ZBTB12: variants seen among roughly 807,000 people sequenced by gnomAD.
ZBTB12 encodes zinc finger and BTB domain-containing protein 12.
In ZBTB12, 1 loss-of-function variant was observed where a neutral mutation model predicts 6.4. That is an observed-to-expected ratio of 0.16 (90% CI 0.06 to 0.74). The LOEUF is 0.74. Ranked by LOEUF, ZBTB12 falls within the 30% of genes least tolerant of loss-of-function variation. ZBTB12 has a pLI of 0.78. For synonymous variants in ZBTB12, 273 were observed against 262.5 expected, an observed-to-expected ratio of 1.04 and a Z score of -0.39; for missense variants, 344 against 613.9, an observed-to-expected ratio of 0.56 and a Z score of 4.65.
chr6:31,901,502 G>A (rs1767265212), intron 1 of ZBTB12, among the ~76,000 whole-genome samples, 177 bp from the exon 2 acceptor site: 1 of 151,992 alleles, frequency 6.6e-6, no homozygotes, highest in African/African-American at 2.4e-5. Context: ...GGAGGGAGGC[G>A]TGGTTCTCGG....
chr6:31,901,696 G>GC (rs560054595), intron 1 of ZBTB12, 141 bp downstream of exon 1: 58 of 191,060 alleles, frequency 3.0e-4, no homozygotes, highest in South Asian at 1.2e-3. Flanking sequence ...TCATTCCTCC[G>GC]CCCCCCCCTT....
In ZBTB12 at chr6:31,900,468, A is replaced by G. The variant is rs773527188; in HGVS notation, c.838T>C (p.Leu280=). The G allele has an allele frequency of 1.3e-6, 2 of 1,597,578 alleles. No individual in the cohort carries two copies. The highest frequency in any genetic ancestry group is 1.7e-6 in the Non-Finnish European group (2 of 1,173,760). Residue 280 remains leucine (L), a synonymous_variant, in exon 2 of 2, where the codon TTG becomes CTG. Coordinates refer to ENST00000375527, the MANE Select transcript of ZBTB12 (RefSeq NM_181842.3). This position sits in a 1 kb window ranked among gnomAD's most constrained non-coding sequence, Gnocchi z 9.7. ...SEDAEGEGLL[L]IPGGRASVGA... ...ACGCTGGCCCGGCCTCCGGGAATCA[A>G]CAGCAGGCCCTCCCCTTCTGCATCT...
At position 31,900,629 on chromosome 6, in the gene ZBTB12, G is replaced by A. The variant is rs1438783478; in HGVS notation, c.677C>T (p.Pro226Leu). Residue 226 changes from proline to leucine, a missense_variant, in exon 2 of 2, where the codon CCT becomes CTT. This residue lies in a region of ZBTB12 where 241 missense variants were observed against 315.4 expected (regional missense o/e 0.76). Transcript: ENST00000375527. The surrounding 1 kb of genome is among the most constrained non-coding windows in gnomAD (Gnocchi z 9.7). ...ALEVAHRLKPPGGLGGGLGIG... is the reference protein window; with the variant it reads ...ALEVAHRLKPLGGLGGGLGIG... Reference sequence around the variant, plus strand: ...GCCCAGACCCCCTCCCAGGCCTCCAGGGGGTTTGAGCCGGTGTGCCACCTC... The same window carrying A: ...GCCCAGACCCCCTCCCAGGCCTCCAAGGGGTTTGAGCCGGTGTGCCACCTC... 2 of 1,612,760 alleles carry A rather than the reference G, an allele frequency of 1.2e-6. No individual in the cohort carries two copies. Among genetic ancestry groups the A allele is most frequent in the Admixed American group, 1.7e-5 (1 of 60,012 alleles).
intron 1 of ZBTB12, 81 bp from the exon 2 acceptor site, chr6:31,901,406 T>G: frequency 7.7e-7 from 1 of 1,298,338 alleles, no homozygotes; most frequent in Middle Eastern, 2.7e-4. Flanking sequence ...CCCCCATTCT[T>G]GCCCAGCCCC....
intron 1 of ZBTB12, 36 bp downstream of exon 1, chr6:31,901,801 C>G (rs1309790659): frequency 1.2e-5 from 2 of 161,758 alleles, no homozygotes; most frequent in African/African-American, 4.8e-5. Flanking sequence ...GGCACGCCCC[C>G]CCAGCCCCAC....
At position 31,900,774 on chromosome 6, in the gene ZBTB12, G is replaced by A. The variant is rs766233364; in HGVS notation, c.532C>T (p.Arg178Trp). The change falls in exon 2 of 2, where the codon CGG (arginine) becomes TGG (tryptophan). Residue 178 changes from arginine to tryptophan, a missense_variant. Arg to Trp is a moderately radical substitution (Grantham distance 101). Coordinates refer to ENST00000375527, the MANE Select transcript of ZBTB12 (RefSeq NM_181842.3). The surrounding 1 kb of genome is among the most constrained non-coding windows in gnomAD (Gnocchi z 9.7). ...AGTGGGAACTCCAGCTTCACTGGCC[G>A]CAGGAGTGGAGGGGGTAGAGGAGGT... Reference protein sequence around the residue: ...PPPPLPPPLLRPVKLEFPLDE... With the variant: ...PPPPLPPPLLWPVKLEFPLDE... 3.1e-6 allele frequency: 5 copies of A among 1,590,572 alleles called. No homozygotes were observed. Among genetic ancestry groups the A allele is most frequent in the South Asian group, 1.1e-5 (1 of 87,472 alleles).
chr6:31,900,601 A>G lies in ZBTB12; in HGVS notation c.705T>C (p.Ile235=). ...CAAGGTGGCCACCCACGGAGCCTCC[A>G]ATGCCCAGACCCCCTCCCAGGCCTC... ...PPGGLGGGLG[I]GGSVGGHLGE... is the part of the protein sequence containing the mutation. The change falls in exon 2 of 2, where the codon ATT becomes ATC. Residue 235 remains isoleucine, a synonymous_variant. Coordinates refer to ENST00000375527, the MANE Select transcript of ZBTB12 (RefSeq NM_181842.3). This position sits in a 1 kb window ranked among gnomAD's most constrained non-coding sequence, Gnocchi z 9.7. 6.2e-7 allele frequency: 1 copy of G among 1,612,654 alleles called. No homozygotes were observed. The highest frequency in any genetic ancestry group is 8.5e-7 in the Non-Finnish European group (1 of 1,179,974).
chr6:31,900,843 G>A lies in ZBTB12; in HGVS notation c.463C>T (p.Pro155Ser). Residue 155 changes from proline (P) to serine (S), a missense_variant, in exon 2 of 2, where the codon CCT becomes TCT. Pro to Ser is a moderately conservative substitution (Grantham distance 74). Coordinates refer to ENST00000375527, the MANE Select transcript of ZBTB12 (RefSeq NM_181842.3). This position sits in a 1 kb window ranked among gnomAD's most constrained non-coding sequence, Gnocchi z 9.7. ...GCTGGCTTTGGGGTCCTGGCTGGAG[G>A]GAGGAGGGACTTGGTGGCGCTGATG... ...SSISATKSLL[P>S]PARTPKPAPK... 6.2e-7 allele frequency: 1 copy of A among 1,611,760 alleles called. No homozygotes were observed. Among genetic ancestry groups the A allele is most frequent in the Non-Finnish European group, 8.5e-7 (1 of 1,178,784 alleles).
chr6:31,901,459 C>T (rs1581996148), intron 1 of ZBTB12, 134 bp from the exon 2 acceptor site: 1 of 908,378 alleles, frequency 1.1e-6, no homozygotes, highest in Non-Finnish European at 1.6e-6. Context: ...TCCTCAGTTT[C>T]CCCAACCCTG....
chr6:31,900,724 G>C lies in ZBTB12; in HGVS notation c.582C>G (p.Ala194=). The C allele has an allele frequency of 6.3e-7, 1 of 1,599,016 alleles. No individual in the cohort carries two copies. The highest frequency in any genetic ancestry group is 8.5e-7 in the Non-Finnish European group (1 of 1,171,432). The part of the protein sequence containing the change: ...FPLDEDLELK[A]EEEDEDEDED... ...CATCCTCATCCTCATCCTCTTCCTC[G>C]GCTTTCAGCTCCAAGTCTTCATCCA... The change falls in exon 2 of 2, where the codon GCC becomes GCG. Residue 194 remains alanine (A), a synonymous_variant. Transcript: ENST00000375527. The surrounding 1 kb of genome is among the most constrained non-coding windows in gnomAD (Gnocchi z 9.7).
At chr6:31,901,413 C>T (rs1316080914) in intron 1 of ZBTB12, 88 bp from the exon 2 acceptor site, 15 of 1,224,110 alleles carry the variant, frequency 1.2e-5, no homozygotes, top group South Asian at 1.6e-5. Context: ...TCTTGCCCAG[C>T]CCCCCGGCAT....
In ZBTB12 at chr6:31,900,148, T is replaced by G; in HGVS notation, c.1158A>C (p.Ser386=). 6.2e-7 allele frequency: 1 copy of G among 1,614,132 alleles called. No individual in the cohort carries two copies. Among genetic ancestry groups the G allele is most frequent in the Non-Finnish European group, 8.5e-7 (1 of 1,179,982 alleles). Residue 386 remains serine (S), a synonymous_variant, in exon 2 of 2, where the codon TCA becomes TCC. Coordinates refer to ENST00000375527, the MANE Select transcript of ZBTB12 (RefSeq NM_181842.3). This position sits in a 1 kb window ranked among gnomAD's most constrained non-coding sequence, Gnocchi z 9.7. ...ACTTGCCGCAGATGCCGCACGAGTG[T>G]GACTTGACACCACGATGCACGTTCA... The part of the protein sequence containing the change: ...RHMNVHRGVK[S]HSCGICGKCF...
At position 31,900,515 on chromosome 6, in the gene ZBTB12, T is replaced by G. The variant is rs1767137054; in HGVS notation, c.791A>C (p.Lys264Thr). ...ATCTTCCGACAGGCTATAGCAGGCC[T>G]TCACCACACCCTGCGGTGGGGCTAC... ...STVAPPQGVV[K>T]ACYSLSEDAE... The change falls in exon 2 of 2, where the codon AAG (lysine) becomes ACG (threonine). Residue 264 changes from lysine to threonine, a missense_variant. By Grantham distance (78) the Lys-to-Thr change is moderately conservative. Transcript: ENST00000375527. The surrounding 1 kb of genome is among the most constrained non-coding windows in gnomAD (Gnocchi z 9.7). 2 of 1,611,320 alleles carry G rather than the reference T, an allele frequency of 1.2e-6. No individual in the cohort carries two copies. The highest frequency in any genetic ancestry group is 1.7e-6 in the Non-Finnish European group (2 of 1,179,974).
rs780532250 is a variant in ZBTB12 at position 31,900,997 on chromosome 6, G to A, written c.309C>T (p.Tyr103=). ...LEFAVRDIVN[Y]LTAASYLQME... ...TCTGCAGGTAGGAGGCGGCTGTAAGGTAGTTGACGATGTCCCTAACAGCGA... is the reference window on the plus strand; with the variant it reads ...TCTGCAGGTAGGAGGCGGCTGTAAGATAGTTGACGATGTCCCTAACAGCGA... Residue 103 remains tyrosine, a synonymous_variant, in exon 2 of 2, where the codon TAC becomes TAT. Transcript: ENST00000375527. The surrounding 1 kb of genome is among the most constrained non-coding windows in gnomAD (Gnocchi z 9.7). 4 of 1,614,130 alleles carry A rather than the reference G, an allele frequency of 2.5e-6. No homozygotes were observed. The East Asian group carries it at 6.7e-5, about 27-fold the overall frequency.
rs754946559 is a variant in ZBTB12 at position 31,900,277 on chromosome 6, C to G, written c.1029G>C (p.Gln343His). The change falls in exon 2 of 2, where the codon CAG becomes CAC. Residue 343 changes from glutamine (Q) to histidine (H), a missense_variant. Transcript: ENST00000375527. This position sits in a 1 kb window ranked among gnomAD's most constrained non-coding sequence, Gnocchi z 9.7. ...IKCTKCPEVF[Q>H]GVEKLVFHMR... ...TGTGGAAGACCAGCTTCTCCACGCC[C>G]TGGAACACTTCCGGGCACTTGGTGC... is the stretch of plus-strand genomic sequence containing the variant. 6.2e-7 allele frequency: 1 copy of G among 1,613,388 alleles called. No homozygotes were observed. The highest frequency in any genetic ancestry group is 8.5e-7 in the Non-Finnish European group (1 of 1,180,008).
In ZBTB12 at chr6:31,900,988, G is replaced by A. The variant is rs114508013; in HGVS notation, c.318C>T (p.Ala106=). Residue 106 remains alanine (A), a synonymous_variant, in exon 2 of 2, where the codon GCC becomes GCT. Transcript: ENST00000375527. The surrounding 1 kb of genome is among the most constrained non-coding windows in gnomAD (Gnocchi z 9.7). ...AVRDIVNYLT[A]ASYLQMEHVV... ...CGTGCTCCATCTGCAGGTAGGAGGC[G>A]GCTGTAAGGTAGTTGACGATGTCCC... The A allele has an allele frequency of 0.024, 38,544 of 1,614,162 alleles. 553 individuals are homozygous for A. The highest frequency in any genetic ancestry group is 0.028 in the Non-Finnish European group (33,433 of 1,180,024).
rs78852381 is a variant in ZBTB12, at chr6:31,899,849, C to G, written c.*77G>C. 29,468 of 1,453,472 alleles carry G rather than the reference C, an allele frequency of 0.02. 680 individuals carry two copies. The highest frequency in any genetic ancestry group is 0.086 in the East Asian group (3,731 of 43,492). The allele number at this position is 1,453,472 out of a possible 1,614,324, so 90.0% of individuals were successfully genotyped here. A position where few individuals can be genotyped will look rare whatever the true frequency, so the allele number is the denominator to read the frequency against. On this transcript the variant is annotated 3_prime_UTR_variant, in exon 2 of 2. Transcript: ENST00000375527. ...CTTTCTGCCCCAGACCCCCCACCCC[C>G]CAATTCTCCTGGGCCAAAGAGCCCT...
intron 1 of ZBTB12, 139 bp from the exon 2 acceptor site, chr6:31,901,464 A>C: frequency 5.9e-5 from 49 of 825,392 alleles, no homozygotes; most frequent in Non-Finnish European, 8.4e-5. Context: ...AGTTTCCCCA[A>C]CCCTGGGGAG....
Position 31,899,883 on chromosome 6 carries a change from G to A in ZBTB12, c.*43C>T, listed in dbSNP as rs1425241142. 2 of 1,400,346 alleles carry A rather than the reference G, an allele frequency of 1.4e-6. No homozygotes were observed. Among genetic ancestry groups the A allele is most frequent in the Admixed American group, 5.0e-5 (2 of 40,382 alleles). 86.7% of individuals were successfully genotyped at this position (1,400,346 alleles called of 1,614,324 possible). ...CTGGGCCAAAGAGCCCTTTTTCCAC[G>A]CAGCCCAGGGGCCCCAGCCTCCTGG... On this transcript the variant is annotated 3_prime_UTR_variant, in exon 2 of 2. Coordinates refer to ENST00000375527, the MANE Select transcript of ZBTB12 (RefSeq NM_181842.3).
Sources: gnomAD v4.1 joint callset for allele counts (sites outside exome capture counted in the v4.1 genomes callset) on GRCh38, gnomAD v4.1.1 for gene constraint, gnomAD v4.1.1 regional missense constraint, Gnocchi (gnomAD v3.1) non-coding constraint, MANE v1.5 for transcripts, NCBI Gene and HGNC (gene_info 2026-07-23, HGNC 2026-07-21) for gene names.